The following ME1 variants were observed in gnomAD, a reference collection of about 807,000 sequenced individuals.
ME1 encodes malic enzyme 1, also known as NADP-dependent malic enzyme.
In ME1, 74 loss-of-function variants were observed where a neutral mutation model predicts 66.4. The ratio of observed to expected loss-of-function variants is 1.11; its 90% CI spans 0.92 to 1.35. The LOEUF (loss-of-function observed/expected upper bound fraction) is 1.35. Ranked by LOEUF, ME1 falls within the 40% of genes most tolerant of loss-of-function variation. The probability of loss-of-function intolerance (pLI) is 0.00; values close to 1 mark genes in which losing one functional copy is unlikely to be tolerated. For missense variants in ME1, 750 were observed against 694.1 expected (o/e 1.08, Z -0.90); for synonymous variants, 251 against 235.6 (o/e 1.07, Z -0.60).
At chr6:83,374,960 T>G (rs1769259092) in intron 3 of ME1, among the ~76,000 whole-genome samples, 1 of 152,206 alleles carries the variant, frequency 6.6e-6, no homozygotes, top group Non-Finnish European at 1.5e-5. Context: ...TCTATGTGTC[T>G]GTTTTGGTAC....
chr6:83,426,698 AG>A (rs1399930997), intron 1 of ME1, among the ~76,000 whole-genome samples: 1 of 152,224 alleles, frequency 6.6e-6, no homozygotes, highest in Non-Finnish European at 1.5e-5. Flanking sequence ...TAGATGTAAA[AG>A]TTAGTAATGA....
At chr6:83,231,923 CTCCCCTA>C (rs1790316285) in intron 9 of ME1, among the ~76,000 whole-genome samples, 2 of 152,160 alleles carry the variant, frequency 1.3e-5, no homozygotes, top group South Asian at 4.1e-4. Context: ...TTACTTTAAT[CTCCCCTA>C]TCCCTTTATA....
At chr6:83,250,691 G>C (rs1790708119) in intron 7 of ME1, among the ~76,000 whole-genome samples, 1 of 152,184 alleles carries the variant, frequency 6.6e-6, no homozygotes, top group Non-Finnish European at 1.5e-5. Flanking sequence ...CTTCAAATGT[G>C]CTCCAATTCA....
At chr6:83,290,649 T>C (rs1190993736) in intron 6 of ME1, among the ~76,000 whole-genome samples, 1 of 152,224 alleles carries the variant, frequency 6.6e-6, no homozygotes, top group African/African-American at 2.4e-5. Flanking sequence ...GTCCACTTGG[T>C]CCAGAGCTGA....
intron 6 of ME1, among the ~76,000 whole-genome samples, chr6:83,284,349 C>G (rs1413179462): frequency 6.6e-6 from 1 of 152,054 alleles, no homozygotes; most frequent in Non-Finnish European, 1.5e-5. Context: ...TGAAATTACC[C>G]CAAAAAAAAT....
chr6:83,398,572 T>C (rs1447042028), intron 2 of ME1, 56 bp from the exon 3 acceptor site: 2 of 869,808 alleles, frequency 2.3e-6, no homozygotes, highest in Admixed American at 5.5e-5. Flanking sequence ...AAATAGCTAC[T>C]TAGAAATCTA....
chr6:83,356,873 A>G (rs1385869591), intron 3 of ME1, among the ~76,000 whole-genome samples: 4 of 152,202 alleles, frequency 2.6e-5, no homozygotes, highest in Non-Finnish European at 5.9e-5. Context: ...ATTAATATTG[A>G]CACATTATTA....
chr6:83,345,328 A>T (rs1177856615), intron 5 of ME1, among the ~76,000 whole-genome samples: 2 of 152,384 alleles, frequency 1.3e-5, no homozygotes, highest in East Asian at 3.9e-4. Context: ...TTAAGTGAGC[A>T]TTCATGCATA....
chr6:83,321,043 C>T (rs932452292), intron 5 of ME1, among the ~76,000 whole-genome samples: 49 of 152,186 alleles, frequency 3.2e-4, no homozygotes, highest in South Asian at 1.4e-3. Context: ...ACCCAGGAAG[C>T]GCAGGGGGTT....
At chr6:83,269,464 A>T (rs1767048568) in intron 6 of ME1, among the ~76,000 whole-genome samples, 1 of 152,156 alleles carries the variant, frequency 6.6e-6, no homozygotes, top group Non-Finnish European at 1.5e-5. Context: ...AGTTTACTTT[A>T]GTGGAGGTAT....
intron 6 of ME1, among the ~76,000 whole-genome samples, chr6:83,290,630 G>A (rs1454173659): frequency 6.6e-6 from 1 of 152,178 alleles, no homozygotes; most frequent in East Asian, 1.9e-4. Flanking sequence ...TTCTGTAGAT[G>A]TCTATTAGGT....
chr6:83,408,649 T>C (rs1309628867), intron 1 of ME1, among the ~76,000 whole-genome samples: 2 of 152,160 alleles, frequency 1.3e-5, no homozygotes, highest in Non-Finnish European at 2.9e-5. Flanking sequence ...GAAAACTAAA[T>C]AGAAATTATG....
intron 1 of ME1, among the ~76,000 whole-genome samples, chr6:83,418,852 G>A (rs1165621599): frequency 6.6e-6 from 1 of 152,102 alleles, no homozygotes; most frequent in Non-Finnish European, 1.5e-5. Context: ...AATTTAGACA[G>A]TTAGAGAAAT....
intron 2 of ME1, among the ~76,000 whole-genome samples, chr6:83,401,980 T>C (rs909368030): frequency 6.6e-6 from 1 of 152,228 alleles, no homozygotes; most frequent in African/African-American, 2.4e-5. Context: ...CTGCCAAAGC[T>C]ACTATTCATG....
intron 4 of ME1, among the ~76,000 whole-genome samples, chr6:83,347,025 C>T (rs1340426433): frequency 1.3e-5 from 2 of 152,072 alleles, no homozygotes; most frequent in African/African-American, 4.8e-5. Context: ...ACAATCTCAG[C>T]TCACTGCAAC....
intron 5 of ME1, among the ~76,000 whole-genome samples, chr6:83,342,818 C>T (rs1444855609): frequency 6.6e-6 from 1 of 152,118 alleles, no homozygotes; most frequent in Non-Finnish European, 1.5e-5. Flanking sequence ...TCCCAAGTAG[C>T]TGGGATTACA....
At chr6:83,307,190 T>C (rs1188220031) in intron 6 of ME1, among the ~76,000 whole-genome samples, 2 of 152,090 alleles carry the variant, frequency 1.3e-5, no homozygotes, top group Non-Finnish European at 2.9e-5. Flanking sequence ...CCTTTAGATT[T>C]CTAATTCTTT....
At chr6:83,344,289 C>CA (rs11402376) in intron 5 of ME1, among the ~76,000 whole-genome samples, 42,442 of 105,686 alleles carry the variant, frequency 0.4, 6,749 homozygotes, top group Middle Eastern at 0.54. Flanking sequence ...CTATCTCTTA[C>CA]AAAAAAAAAA....
At chr6:83,328,266 T>C (rs973371068) in intron 5 of ME1, among the ~76,000 whole-genome samples, 4 of 151,348 alleles carry the variant, frequency 2.6e-5, no homozygotes, top group African/African-American at 2.4e-5. Flanking sequence ...AACTGAACAA[T>C]GAGAACACAT....
Sources: allele counts gnomAD v4.1 joint callset (sites outside exome capture counted in the v4.1 genomes callset), GRCh38; gene constraint gnomAD v4.1.1; transcripts MANE v1.5; gene names NCBI Gene and HGNC (gene_info 2026-07-23, HGNC 2026-07-21).